The following MAP3K15 variants were observed in gnomAD, a reference collection of about 807,000 sequenced individuals.
MAP3K15 encodes the protein MAPK/ERK kinase kinase 15.
MAP3K15 carries 124 observed loss-of-function variants against 99.5 expected under a neutral mutation model. That is an observed-to-expected ratio of 1.25 (90% CI 1.08 to 1.45). MAP3K15 has a LOEUF of 1.45. Ranked by LOEUF, MAP3K15 falls within the 40% of genes most tolerant of loss-of-function variation. The pLI, the probability that MAP3K15 is intolerant of heterozygous loss-of-function variation, is 0.00. For missense variants in MAP3K15, 1,242 were observed against 1,079.7 expected (o/e 1.15, Z -2.11); for synonymous variants, 494 against 439.6 (o/e 1.12, Z -1.55).
At chrX:19,458,900 A>C (rs1300095737) in intron 5 of MAP3K15, among the ~76,000 whole-genome samples, 1 of 111,150 alleles carries the variant, frequency 9.0e-6, no homozygotes, top group African/African-American at 3.3e-5. Context: ...GTGTTCCTCC[A>C]AAGGAAAGGA....
chrX:19,462,231 A>G (rs1391109577), intron 4 of MAP3K15, among the ~76,000 whole-genome samples: 2 of 112,443 alleles, frequency 1.8e-5, no homozygotes, highest in African/African-American at 6.5e-5. Flanking sequence ...AACCTGGTCC[A>G]ATGCTCACAA....
In MAP3K15 at chrX:19,400,663, T is replaced by C. The variant is rs748511748; in HGVS notation, c.1845A>G (p.Arg615=). 34 of 1,184,006 alleles carry C rather than the reference T, an allele frequency of 2.9e-5. No homozygotes were observed. The South Asian group carries it at 6.0e-4, about 21-fold the overall frequency. The stretch of plus-strand genomic sequence containing the variant: ...TCATCTCTTTGACCAAAGAGAAAAA[T>C]CTAGAACAGCAAGTGTCACAAATAC... ...IYFSTEEQCS[R]FFSLVKEMIT... The change falls in exon 14 of 29, where the codon AGA becomes AGG. Residue 615 remains arginine, a splice_region_variant and synonymous_variant. Coordinates refer to ENST00000338883, the MANE Select transcript of MAP3K15 (RefSeq NM_001001671.4).
chrX:19,416,824 G>T (rs2063739997), intron 9 of MAP3K15, among the ~76,000 whole-genome samples: 1 of 112,046 alleles, frequency 8.9e-6, no homozygotes, highest in South Asian at 3.7e-4. Context: ...TAAGTTTTTG[G>T]TGAATTTTCA....
intron 1 of MAP3K15, among the ~76,000 whole-genome samples, chrX:19,495,866 G>C (rs2064397673): frequency 1.8e-5 from 2 of 111,124 alleles, no homozygotes. Context: ...TGAGGCAAGA[G>C]GATCGCTTGA....
At chrX:19,482,171 T>C (rs1208728989) in intron 3 of MAP3K15, 1 of 73,801 alleles carries the variant, frequency 1.4e-5, no homozygotes, top group Non-Finnish European at 2.2e-5. Context: ...CAGAGTGAGA[T>C]TCCAGCTCAA....
At chrX:19,444,142 A>G (rs2063978767) in intron 6 of MAP3K15, among the ~76,000 whole-genome samples, 1 of 111,929 alleles carries the variant, frequency 8.9e-6, no homozygotes, top group Non-Finnish European at 1.9e-5. Flanking sequence ...CTGAGCAACT[A>G]TTCTTTAAAA....
intron 18 of MAP3K15, among the ~76,000 whole-genome samples, chrX:19,384,748 GGAAAAAAA>G (rs578012838): frequency 0.12 from 6,703 of 56,205 alleles, 767 homozygotes; most frequent in African/African-American, 0.37. Flanking sequence ...TTGTCTCAGG[GGAAAAAAA>G]AAAAAAAAAA....
intron 18 of MAP3K15, among the ~76,000 whole-genome samples, chrX:19,387,125 G>A (rs2063498447): frequency 8.9e-6 from 1 of 112,075 alleles, no homozygotes; most frequent in South Asian, 3.8e-4. Flanking sequence ...GGCGCCACTT[G>A]TTCCTAACCC....
rs1184994390 is a variant in MAP3K15, at chrX:19,431,579, G to A, written c.1025C>T (p.Ala342Val). Residue 342 changes from alanine (A) to valine (V), a missense_variant, in exon 7 of 29, where the codon GCT becomes GTT. Ala to Val is a moderately conservative substitution (Grantham distance 64). Coordinates refer to ENST00000338883, the MANE Select transcript of MAP3K15 (RefSeq NM_001001671.4). Reference protein sequence around the residue: ...RRNSTGDREKALQIMLQVLQS... With the variant: ...RRNSTGDREKVLQIMLQVLQS... Reference sequence around the variant, plus strand: ...CAGAACCTGGAGCATGATCTGCAGAGCCTTCTCACGGTCACCTGTGCTGTT... The same window carrying A: ...CAGAACCTGGAGCATGATCTGCAGAACCTTCTCACGGTCACCTGTGCTGTT... 9.2e-6 allele frequency: 11 copies of A among 1,197,294 alleles called. No homozygotes were observed. Among genetic ancestry groups the A allele is most frequent in the Non-Finnish European group, 1.1e-5 (10 of 894,205 alleles).
chrX:19,479,222 A>C (rs2064273272), intron 3 of MAP3K15, among the ~76,000 whole-genome samples: 1 of 111,869 alleles, frequency 8.9e-6, no homozygotes, highest in East Asian at 2.8e-4. Flanking sequence ...GTTAGGAAGC[A>C]GCCCCTTACT....
At chrX:19,411,447 A>T (rs1258358997) in intron 11 of MAP3K15, among the ~76,000 whole-genome samples, 1 of 112,723 alleles carries the variant, frequency 8.9e-6, no homozygotes, top group Admixed American at 9.4e-5. Flanking sequence ...AAGTACTAAT[A>T]CTGAAGACAC....
At chrX:19,369,408 G>C (rs995078961) in intron 24 of MAP3K15, among the ~76,000 whole-genome samples, 189 bp from the exon 25 acceptor site, 1 of 111,695 alleles carries the variant, frequency 9.0e-6, no homozygotes, top group African/African-American at 3.3e-5. Context: ...GCGTAAAGTT[G>C]ATCACGCCAG....
chrX:19,424,233 CACAT>C (rs1320347898), intron 9 of MAP3K15, among the ~76,000 whole-genome samples: 27 of 106,001 alleles, frequency 2.5e-4, no homozygotes, highest in African/African-American at 8.4e-4. Context: ...TATATGTACA[CACAT>C]ATATATACAT....
chrX:19,466,127 C>T (rs914901162), intron 3 of MAP3K15, among the ~76,000 whole-genome samples: 3 of 110,724 alleles, frequency 2.7e-5, no homozygotes, highest in Non-Finnish European at 5.7e-5. Flanking sequence ...CCTTGTAATA[C>T]TTTCAAGTTC....
intron 13 of MAP3K15, among the ~76,000 whole-genome samples, chrX:19,402,699 C>G (rs1470735675): frequency 9.0e-6 from 1 of 111,566 alleles, no homozygotes; most frequent in African/African-American, 3.3e-5. Context: ...GGGTATCACT[C>G]TGTCACCTAG....
In MAP3K15 at chrX:19,387,772, A is replaced by T. The variant is rs142040231; in HGVS notation, c.2431+4230T>A. Among the ~76,000 whole-genome samples the T allele has an allele frequency of 8.1e-3, 910 of 112,092 alleles. 4 individuals are homozygous for T. The highest frequency in any genetic ancestry group is 0.028 in the African/African-American group (861 of 30,878). On this transcript the variant is annotated intron_variant, in intron 18 of 28. Transcript: ENST00000338883. ...AAAAAATAAAGAAAAAAGAAAAGGA[A>T]TTCCTGCTCAAACGCAGTCCTCCAC... is the stretch of plus-strand genomic sequence containing the variant.
chrX:19,430,449 CAGA>C (rs1203792819), intron 7 of MAP3K15, among the ~76,000 whole-genome samples: 1 of 111,904 alleles, frequency 8.9e-6, no homozygotes, highest in African/African-American at 3.2e-5. Context: ...GTGAAGCCAG[CAGA>C]AGAAGTGCCT....
At chrX:19,424,231 CACACATATATATACATATATAT>C (rs1465354350) in intron 9 of MAP3K15, among the ~76,000 whole-genome samples, 7 of 97,756 alleles carry the variant, frequency 7.2e-5, no homozygotes, top group African/African-American at 1.5e-4. Flanking sequence ...CATATATGTA[CACACATATATATACATATATAT>C]ACACATATAT....
chrX:19,472,501 C>T (rs778469480), intron 3 of MAP3K15, among the ~76,000 whole-genome samples: 12 of 110,341 alleles, frequency 1.1e-4, no homozygotes, highest in Non-Finnish European at 1.7e-4. Context: ...AAAATAACAG[C>T]AAAAGGATAT....
Sources: allele counts gnomAD v4.1 joint callset (sites outside exome capture counted in the v4.1 genomes callset), GRCh38; gene constraint gnomAD v4.1.1; transcripts MANE v1.5; gene names NCBI Gene and HGNC (gene_info 2026-07-23, HGNC 2026-07-21).